The following SAMD4A variants were observed in gnomAD, a reference collection of about 807,000 sequenced individuals.
SAMD4A encodes the protein protein Smaug homolog 1.
In SAMD4A, 33 loss-of-function variants were observed where a neutral mutation model predicts 81.3. The ratio of observed to expected loss-of-function variants is 0.41; its 90% CI spans 0.31 to 0.54. The LOEUF is 0.54. Among genes scored for constraint, SAMD4A ranks in the 20% least tolerant of loss-of-function variants. The probability of loss-of-function intolerance (pLI) is 0.37; values close to 1 mark genes in which losing one functional copy is unlikely to be tolerated. For synonymous variants in SAMD4A, 389 were observed against 382.1 expected (o/e 1.02, Z -0.21); for missense variants, 854 against 951.1 (o/e 0.90, Z 1.34).
chr14:54,789,123 C>A lies in SAMD4A; in HGVS notation c.*179C>A. ...TCATCCTCGTAAACATATCAGTAGA[C>A]CTGGGGTTGGTTATTTTGTCATTTG... On this transcript the variant is annotated 3_prime_UTR_variant, in exon 13 of 13. Transcript: ENST00000554335. The A allele has an allele frequency of 1.5e-6, 1 of 667,812 alleles. No individual in the cohort carries two copies. Among genetic ancestry groups the A allele is most frequent in the Non-Finnish European group, 2.6e-6 (1 of 378,554 alleles). The allele number at this position is 667,812 out of a possible 1,614,324, so 41.4% of individuals were successfully genotyped here. A position where few individuals can be genotyped will look rare whatever the true frequency, so the allele number is the denominator to read the frequency against.
At chr14:54,684,035 C>G (rs541739338) in intron 2 of SAMD4A, among the ~76,000 whole-genome samples, 78 of 152,298 alleles carry the variant, frequency 5.1e-4, no homozygotes, top group Non-Finnish European at 4.0e-4. Context: ...ATTTTAAAGT[C>G]AGGCCTGGTT....
intron 4 of SAMD4A, among the ~76,000 whole-genome samples, chr14:54,737,741 G>A (rs2037737125): frequency 1.3e-5 from 2 of 151,100 alleles, no homozygotes; most frequent in African/African-American, 4.9e-5. Flanking sequence ...CTATGTTAAT[G>A]CAGAATTGCA....
intron 2 of SAMD4A, among the ~76,000 whole-genome samples, chr14:54,608,149 T>C (rs1414182736): frequency 6.6e-6 from 1 of 152,234 alleles, no homozygotes; most frequent in Admixed American, 6.5e-5. Flanking sequence ...ATTTGAGTCC[T>C]GGGCTTTGCC....
intron 12 of SAMD4A, among the ~76,000 whole-genome samples, chr14:54,787,410 G>A (rs142755194): frequency 6.6e-6 from 1 of 152,350 alleles, no homozygotes; most frequent in Non-Finnish European, 1.5e-5. Context: ...ACTGGCAAGA[G>A]TTGCCAGCCT....
intron 4 of SAMD4A, among the ~76,000 whole-genome samples, chr14:54,740,169 A>G (rs1295802658): frequency 6.6e-6 from 1 of 152,244 alleles, no homozygotes; most frequent in African/African-American, 2.4e-5. Flanking sequence ...GTGAGACTCC[A>G]TCTCAAATAA....
intron 2 of SAMD4A, among the ~76,000 whole-genome samples, chr14:54,700,841 T>C (rs58207268): frequency 0.085 from 13,004 of 152,144 alleles, 1,189 homozygotes; most frequent in African/African-American, 0.23. Context: ...GAGGACATTA[T>C]GCTCAGTGAA....
intron 2 of SAMD4A, among the ~76,000 whole-genome samples, chr14:54,640,980 C>T (rs2035161127): frequency 6.6e-6 from 1 of 152,196 alleles, no homozygotes; most frequent in African/African-American, 2.4e-5. Context: ...CATTCCACCT[C>T]CTGCTCTTGA....
At chr14:54,604,237 G>A (rs1191564643) in intron 2 of SAMD4A, among the ~76,000 whole-genome samples, 2 of 152,200 alleles carry the variant, frequency 1.3e-5, no homozygotes, top group African/African-American at 4.8e-5. Context: ...GTGTTTCAAG[G>A]TGCTGGAATC....
intron 11 of SAMD4A, among the ~76,000 whole-genome samples, chr14:54,781,157 G>A (rs563528017): frequency 5.9e-5 from 9 of 152,246 alleles, no homozygotes; most frequent in South Asian, 2.1e-4. Flanking sequence ...TTGGCAAAAC[G>A]GGATTCTATA....
chr14:54,777,130 T>C (rs1461677610), intron 11 of SAMD4A, among the ~76,000 whole-genome samples: 1 of 152,132 alleles, frequency 6.6e-6, no homozygotes, highest in Non-Finnish European at 1.5e-5. Context: ...AGTGATCTTG[T>C]AGACTTTGTA....
intron 6 of SAMD4A, among the ~76,000 whole-genome samples, chr14:54,754,451 T>C (rs1290336688): frequency 6.6e-6 from 1 of 152,174 alleles, no homozygotes; most frequent in East Asian, 1.9e-4. Flanking sequence ...ACCCCAATGT[T>C]TGGACATCCT....
In SAMD4A at chr14:54,792,186, G is replaced by A. The variant is rs375754050; in HGVS notation, c.*3242G>A. 2.6e-5 allele frequency: 4 copies of A among 152,118 alleles called. No individual in the cohort carries two copies. Among genetic ancestry groups the A allele is most frequent in the East Asian group, 3.9e-4 (2 of 5,192 alleles). 9.4% of individuals were successfully genotyped at this position (152,118 alleles called of 1,614,324 possible). A position where few individuals can be genotyped will look rare whatever the true frequency, so the allele number is the denominator to read the frequency against. ...GCTTTTGAGTTTTCACTTTTTAAAC[G>A]AGAGCCAGCAAGCAAAATAGATGTG... On this transcript the variant is annotated 3_prime_UTR_variant, in exon 13 of 13. Coordinates refer to ENST00000554335, the MANE Select transcript of SAMD4A (RefSeq NM_015589.6).
At chr14:54,749,695 C>T (rs966882694) in intron 5 of SAMD4A, among the ~76,000 whole-genome samples, 1 of 152,176 alleles carries the variant, frequency 6.6e-6, no homozygotes, top group Non-Finnish European at 1.5e-5. Context: ...ACGCTGTGCT[C>T]GGGTAAATGG....
At chr14:54,621,767 C>T (rs1377750864) in intron 2 of SAMD4A, among the ~76,000 whole-genome samples, 3 of 152,140 alleles carry the variant, frequency 2.0e-5, no homozygotes, top group African/African-American at 7.2e-5. Flanking sequence ...CTAATATTTA[C>T]AGGACATTGA....
intron 6 of SAMD4A, among the ~76,000 whole-genome samples, chr14:54,759,293 A>C (rs2038328512): frequency 6.6e-6 from 1 of 152,188 alleles, no homozygotes; most frequent in Admixed American, 6.5e-5. Flanking sequence ...CTCCAGGCTC[A>C]GGCCTAGGTG....
At chr14:54,787,304 G>T (rs2039165996) in intron 12 of SAMD4A, among the ~76,000 whole-genome samples, 1 of 152,152 alleles carries the variant, frequency 6.6e-6, no homozygotes, top group African/African-American at 2.4e-5. Flanking sequence ...ATATACAAGT[G>T]CACTGGGTCT....
At chr14:54,604,219 A>T (rs1275371697) in intron 2 of SAMD4A, among the ~76,000 whole-genome samples, 1 of 152,148 alleles carries the variant, frequency 6.6e-6, no homozygotes, top group East Asian at 1.9e-4. Context: ...TTGCTCTTCC[A>T]GTTTGTGGTG....
In SAMD4A at chr14:54,704,371, C is replaced by G. The variant is rs149994951; in HGVS notation, c.715+1791C>G. On this transcript the variant is annotated intron_variant, in intron 3 of 12. Coordinates refer to ENST00000554335, the MANE Select transcript of SAMD4A (RefSeq NM_015589.6). The stretch of plus-strand genomic sequence containing the variant: ...CTCTAAGCTGCCTGCCCTCTTAAAA[C>G]TTGGTCTTTTGTATTTTAAACAGTT... 5.0e-3 allele frequency among the ~76,000 whole-genome samples: 754 copies of G among 152,264 alleles called. 13 individuals are homozygous for G. The highest frequency in any genetic ancestry group is 0.017 in the African/African-American group (710 of 41,536).
intron 3 of SAMD4A, among the ~76,000 whole-genome samples, chr14:54,711,163 A>G (rs553423845): frequency 6.6e-6 from 1 of 152,340 alleles, no homozygotes; most frequent in East Asian, 1.9e-4. Context: ...AATTTCCAAA[A>G]TAAACAAGAA....
Sources: allele counts gnomAD v4.1 joint callset (sites outside exome capture counted in the v4.1 genomes callset), GRCh38; gene constraint gnomAD v4.1.1; transcripts MANE v1.5; gene names NCBI Gene and HGNC (gene_info 2026-07-23, HGNC 2026-07-21).